TAFA2: variants seen among roughly 807,000 people sequenced by gnomAD.
TAFA2 encodes the protein TAFA chemokine like family member 2.
In TAFA2, 7 loss-of-function variants were observed where a neutral mutation model predicts 18.8. That is an observed-to-expected ratio of 0.37 (90% CI 0.21 to 0.70). The LOEUF (loss-of-function observed/expected upper bound fraction) is 0.70, where lower values mean the gene tolerates loss of function less well. Ranked by LOEUF, TAFA2 falls within the 30% of genes least tolerant of loss-of-function variation. The pLI, the probability that TAFA2 is intolerant of heterozygous loss-of-function variation, is 0.53. For synonymous variants in TAFA2, 60 were observed against 54.2 expected (o/e 1.11, Z -0.47); for missense variants, 122 against 158.1 (o/e 0.77, Z 1.23).
At chr12:62,172,718 T>C (rs2062486631) in intron 1 of TAFA2, among the ~76,000 whole-genome samples, 2 of 152,206 alleles carry the variant, frequency 1.3e-5, no homozygotes, top group South Asian at 4.1e-4. Context: ...AGGTGCCTAA[T>C]ACAGACTAAT....
intron 2 of TAFA2, among the ~76,000 whole-genome samples, chr12:61,864,837 T>C (rs1054618604): frequency 6.6e-6 from 1 of 151,818 alleles, no homozygotes; most frequent in Non-Finnish European, 1.5e-5. Flanking sequence ...TTGACATCTG[T>C]AATGCTCTTT....
chr12:62,043,907 G>A (rs890924860), intron 1 of TAFA2, among the ~76,000 whole-genome samples: 7 of 152,070 alleles, frequency 4.6e-5, no homozygotes, highest in Non-Finnish European at 1.0e-4. Flanking sequence ...AACTACTTTG[G>A]AAAAATAAAA....
chr12:61,912,324 G>T (rs545953342), intron 1 of TAFA2, among the ~76,000 whole-genome samples: 65 of 152,166 alleles, frequency 4.3e-4, no homozygotes, highest in Admixed American at 1.6e-3. Flanking sequence ...AGCTATATGT[G>T]GATATTGACA....
At chr12:61,834,238 G>C (rs746737877) in intron 2 of TAFA2, among the ~76,000 whole-genome samples, 1 of 152,000 alleles carries the variant, frequency 6.6e-6, no homozygotes, top group Non-Finnish European at 1.5e-5. Flanking sequence ...CCCAGTTGTG[G>C]ACATGCATTC....
chr12:62,171,447 T>G (rs1055392115), intron 1 of TAFA2, among the ~76,000 whole-genome samples: 1 of 152,246 alleles, frequency 6.6e-6, no homozygotes, highest in African/African-American at 2.4e-5. Context: ...CCTTTGGTAA[T>G]TGCTATGGTC....
chr12:61,815,968 C>T (rs1027661430), intron 2 of TAFA2, among the ~76,000 whole-genome samples: 5 of 150,990 alleles, frequency 3.3e-5, no homozygotes, highest in East Asian at 1.9e-4. Flanking sequence ...AAGGGAGAAG[C>T]ACTATAGGGA....
intron 1 of TAFA2, among the ~76,000 whole-genome samples, chr12:62,056,448 G>C (rs1018386898): frequency 2.0e-5 from 3 of 152,150 alleles, no homozygotes; most frequent in Non-Finnish European, 4.4e-5. Flanking sequence ...ATTTAAATTA[G>C]TAGTAGTGTT....
chr12:61,818,823 T>A (rs1872201493), intron 2 of TAFA2, among the ~76,000 whole-genome samples: 1 of 152,230 alleles, frequency 6.6e-6, no homozygotes, highest in Non-Finnish European at 1.5e-5. Context: ...TTTATTTTAT[T>A]GAAATGCCCA....
chr12:61,903,599 T>G (rs1876210137), intron 1 of TAFA2, among the ~76,000 whole-genome samples: 1 of 152,178 alleles, frequency 6.6e-6, no homozygotes, highest in Non-Finnish European at 1.5e-5. Flanking sequence ...AAATAAATTT[T>G]TAAAGCCCCT....
chr12:62,172,755 C>A lies in TAFA2; in HGVS notation c.-2+18504G>T, dbSNP rs1031404255. Among the ~76,000 whole-genome samples, 7 of 152,218 alleles carry A rather than the reference C, an allele frequency of 4.6e-5. No homozygotes were observed. The East Asian group carries it at 7.7e-4, about 17-fold the overall frequency. On this transcript the variant is annotated intron_variant, in intron 1 of 4. Coordinates refer to ENST00000416284, the MANE Select transcript of TAFA2 (RefSeq NM_178539.5). ...GCACACTGAAAGCTAAAGGAACACGCAAAATATTTTCACATATTAAGATAG... is the reference window on the plus strand; with the variant it reads ...GCACACTGAAAGCTAAAGGAACACGAAAAATATTTTCACATATTAAGATAG...
chr12:61,953,342 G>A (rs909746254), intron 1 of TAFA2, among the ~76,000 whole-genome samples: 4 of 152,078 alleles, frequency 2.6e-5, no homozygotes, highest in Non-Finnish European at 5.9e-5. Context: ...AAATACAAAA[G>A]ATACTAATCC....
intron 1 of TAFA2, among the ~76,000 whole-genome samples, chr12:62,009,388 A>G (rs1342928045): frequency 2.0e-5 from 3 of 152,224 alleles, no homozygotes; most frequent in African/African-American, 7.2e-5. Context: ...AGTGTCTACT[A>G]TGTAGCAGGA....
At chr12:62,118,859 G>A (rs909554736) in intron 1 of TAFA2, among the ~76,000 whole-genome samples, 11 of 151,978 alleles carry the variant, frequency 7.2e-5, no homozygotes, top group Non-Finnish European at 8.8e-5. Context: ...TCCTTTGTCC[G>A]TTATGTAGAT....
At chr12:61,785,495 T>G (rs1870698608) in intron 2 of TAFA2, among the ~76,000 whole-genome samples, 1 of 151,466 alleles carries the variant, frequency 6.6e-6, no homozygotes. Context: ...GATATCACAT[T>G]GTACTAGAGG....
At chr12:62,019,747 C>G (rs1458011437) in intron 1 of TAFA2, among the ~76,000 whole-genome samples, 1 of 151,366 alleles carries the variant, frequency 6.6e-6, no homozygotes, top group Non-Finnish European at 1.5e-5. Flanking sequence ...TGCAGCACAC[C>G]AACATGGCAC....
intron 1 of TAFA2, among the ~76,000 whole-genome samples, chr12:61,925,385 T>C (rs893660183): frequency 6.6e-6 from 1 of 151,934 alleles, no homozygotes; most frequent in Non-Finnish European, 1.5e-5. Context: ...TAACAAACAG[T>C]CTCCCAAACC....
chr12:62,239,241 C>A (rs757239930), intron 1 of TAFA2, among the ~76,000 whole-genome samples: 1 of 152,066 alleles, frequency 6.6e-6, no homozygotes, highest in Non-Finnish European at 1.5e-5. Context: ...TAAAGGTGAC[C>A]ACCACAATAA....
At chr12:61,738,891 CT>C (rs1868353859) in intron 4 of TAFA2, among the ~76,000 whole-genome samples, 1 of 152,014 alleles carries the variant, frequency 6.6e-6, no homozygotes, top group South Asian at 2.1e-4. Context: ...ATTAGTATTT[CT>C]TTAACAAGAC....
chr12:61,939,511 A>T (rs528445314), intron 1 of TAFA2, among the ~76,000 whole-genome samples: 2 of 152,198 alleles, frequency 1.3e-5, no homozygotes, highest in South Asian at 4.1e-4. Context: ...ATAAAAATAA[A>T]AAAACCTTGA....
Sources: allele counts gnomAD v4.1 joint callset (sites outside exome capture counted in the v4.1 genomes callset), GRCh38; gene constraint gnomAD v4.1.1; transcripts MANE v1.5; gene names NCBI Gene and HGNC (gene_info 2026-07-23, HGNC 2026-07-21).